The following RAP1GAP2 variants were observed in gnomAD, a reference collection of about 807,000 sequenced individuals.
RAP1GAP2 encodes the protein RAP1 GTPase activating protein 2.
A neutral mutation model predicts 95.0 loss-of-function variants in RAP1GAP2; 27 were observed. That is an observed-to-expected ratio of 0.28 (90% confidence interval 0.21 to 0.39). The LOEUF is 0.39. RAP1GAP2 is among the 10% of genes least tolerant of loss of function. RAP1GAP2 has a pLI of 1.00. For synonymous variants in RAP1GAP2, 373 were observed against 380.9 expected, an observed-to-expected ratio of 0.98 and a Z score of 0.24; for missense variants, 771 against 970.0, an observed-to-expected ratio of 0.79 and a Z score of 2.72.
chr17:2,817,643 C>T (rs1198242131), intron 2 of RAP1GAP2, among the ~76,000 whole-genome samples: 1 of 117,688 alleles, frequency 8.5e-6, no homozygotes, highest in African/African-American at 2.8e-5. Context: ...GCCTCAGCCT[C>T]CCAAGTAGCT....
chr17:2,804,214 G>A (rs2069417710), intron 2 of RAP1GAP2, among the ~76,000 whole-genome samples: 1 of 152,200 alleles, frequency 6.6e-6, no homozygotes, highest in South Asian at 2.1e-4. Context: ...AGGACCTGGT[G>A]TCCTTGGTGC....
intron 1 of RAP1GAP2, among the ~76,000 whole-genome samples, chr17:2,783,782 T>C (rs1211439752): frequency 6.6e-6 from 1 of 152,216 alleles, no homozygotes; most frequent in African/African-American, 2.4e-5. Context: ...GCTGAAGCCA[T>C]CTGAAGGCTT....
At chr17:2,810,141 T>C (rs1276521481) in intron 2 of RAP1GAP2, among the ~76,000 whole-genome samples, 2 of 151,048 alleles carry the variant, frequency 1.3e-5, no homozygotes. Flanking sequence ...GACAGAGGGC[T>C]GAGGCCCTGG....
intron 3 of RAP1GAP2, among the ~76,000 whole-genome samples, chr17:2,956,985 G>A (rs780743690): frequency 1.3e-5 from 2 of 151,984 alleles, no homozygotes; most frequent in African/African-American, 2.4e-5. Context: ...AAAATTAGCC[G>A]GGCACGATGG....
At chr17:2,886,165 A>G (rs1236681938) in intron 2 of RAP1GAP2, among the ~76,000 whole-genome samples, 4 of 126,048 alleles carry the variant, frequency 3.2e-5, no homozygotes, top group African/African-American at 1.3e-4. Context: ...GTGTGTGTAT[A>G]TATATATTTT....
intron 1 of RAP1GAP2, among the ~76,000 whole-genome samples, chr17:2,769,503 C>A (rs182471996): frequency 5.9e-4 from 87 of 147,244 alleles, no homozygotes; most frequent in African/African-American, 2.1e-3. Context: ...TGCAGTGAGC[C>A]GAGATCGCGC....
At chr17:2,802,844 G>A (rs764744806) in intron 2 of RAP1GAP2, among the ~76,000 whole-genome samples, 1 of 152,302 alleles carries the variant, frequency 6.6e-6, no homozygotes, top group African/African-American at 2.4e-5. Context: ...TTGGCATGGT[G>A]TGTGCATCAG....
chr17:2,849,402 G>C (rs912795969), intron 2 of RAP1GAP2, among the ~76,000 whole-genome samples: 1 of 152,212 alleles, frequency 6.6e-6, no homozygotes, highest in African/African-American at 2.4e-5. Context: ...CTCTGACGAG[G>C]GGCACGGGGA....
chr17:2,981,349 G>C, intron 10 of RAP1GAP2, 101 bp downstream of exon 10: 1 of 1,099,046 alleles, frequency 9.1e-7, no homozygotes, highest in Admixed American at 2.2e-5. Flanking sequence ...GTGGGGTTTC[G>C]TGGGGTCTCC....
rs534394193 is a variant in RAP1GAP2 at position 2,903,255 on chromosome 17, C to T, written c.81-2029C>T. On this transcript the variant is annotated intron_variant, in intron 2 of 24. Transcript: ENST00000254695. The surrounding 1 kb of genome is among the most constrained non-coding windows in gnomAD (Gnocchi z 4.1). ...CCTGCTTGATCATTCTTCCTTTCCCCCATCATGGCTCTTAAAGGCCAGGCC... is the reference window on the plus strand; with the variant it reads ...CCTGCTTGATCATTCTTCCTTTCCCTCATCATGGCTCTTAAAGGCCAGGCC... 4.6e-5 allele frequency among the ~76,000 whole-genome samples: 7 copies of T among 152,246 alleles called. No individual in the cohort carries two copies. The highest frequency in any genetic ancestry group is 1.7e-4 in the African/African-American group (7 of 41,554).
intron 2 of RAP1GAP2, among the ~76,000 whole-genome samples, chr17:2,883,267 A>G (rs1479382920): frequency 6.6e-6 from 1 of 152,206 alleles, no homozygotes; most frequent in African/African-American, 2.4e-5. Flanking sequence ...GAGCTCCCCA[A>G]GGCTGGTGTG....
At chr17:2,828,370 T>C (rs1172026013) in intron 2 of RAP1GAP2, among the ~76,000 whole-genome samples, 1 of 147,074 alleles carries the variant, frequency 6.8e-6, no homozygotes, top group Non-Finnish European at 1.5e-5. Flanking sequence ...AAAATAATAC[T>C]GCGATTTCCT....
intron 3 of RAP1GAP2, among the ~76,000 whole-genome samples, chr17:2,934,902 CA>C (rs2043256168): frequency 6.6e-6 from 1 of 152,150 alleles, no homozygotes. Flanking sequence ...TCGTGTGAAA[CA>C]GAATATGACG....
At chr17:2,771,559 T>A (rs1329134884) in intron 2 of RAP1GAP2, among the ~76,000 whole-genome samples, 1 of 148,574 alleles carries the variant, frequency 6.7e-6, no homozygotes, top group Non-Finnish European at 1.5e-5. Flanking sequence ...AATGGCACGA[T>A]CTTGGCTCAC....
intron 2 of RAP1GAP2, among the ~76,000 whole-genome samples, chr17:2,844,046 A>G (rs891352894): frequency 6.6e-6 from 1 of 151,508 alleles, no homozygotes; most frequent in East Asian, 1.9e-4. Context: ...TTTGAGACGG[A>G]GTCTTGCTGT....
chr17:2,897,105 G>A lies in RAP1GAP2; in HGVS notation c.81-8179G>A, dbSNP rs574630341. Among the ~76,000 whole-genome samples, 251 of 152,332 alleles carry A rather than the reference G, an allele frequency of 1.6e-3. 1 individual carries two copies. Among genetic ancestry groups the A allele is most frequent in the Non-Finnish European group, 1.6e-3 (106 of 68,038 alleles). On this transcript the variant is annotated intron_variant, in intron 2 of 24. Transcript: ENST00000254695. ...TAATCCCAGCGCTTTGGGAGGCTGA[G>A]GCGGGTAGATCGCCTGAGGTCAGGA...
chr17:3,024,717 AAT>A (rs1383968492), intron 19 of RAP1GAP2, among the ~76,000 whole-genome samples: 2 of 152,382 alleles, frequency 1.3e-5, no homozygotes, highest in Non-Finnish European at 2.9e-5. Context: ...CATAAAATGG[AAT>A]ATTATTGCAG....
chr17:2,996,127 G>A (rs761714539), intron 13 of RAP1GAP2, among the ~76,000 whole-genome samples: 12 of 152,158 alleles, frequency 7.9e-5, no homozygotes, highest in Middle Eastern at 3.4e-3. Flanking sequence ...TGGTTATTGC[G>A]TGAGAATCCT....
intron 3 of RAP1GAP2, among the ~76,000 whole-genome samples, chr17:2,946,794 G>A (rs978461680): frequency 6.6e-6 from 1 of 152,128 alleles, no homozygotes. Flanking sequence ...TTGCTCCTTC[G>A]CCCAGGCTGG....
Sources: gnomAD v4.1 joint callset for allele counts (sites outside exome capture counted in the v4.1 genomes callset) on GRCh38, gnomAD v4.1.1 for gene constraint, Gnocchi (gnomAD v3.1) non-coding constraint, MANE v1.5 for transcripts, NCBI Gene and HGNC (gene_info 2026-07-23, HGNC 2026-07-21) for gene names.